Variants in CCDC81 observed in about 807,000 individuals in gnomAD.
The protein encoded by CCDC81 is coiled-coil domain-containing protein 81.
CCDC81 carries 79 observed loss-of-function variants against 83.7 expected under a neutral mutation model. That is an observed-to-expected ratio of 0.94 (90% CI 0.79 to 1.14). The LOEUF (loss-of-function observed/expected upper bound fraction) is 1.14, where lower values mean the gene tolerates loss of function less well. CCDC81 is among the 50% of genes most tolerant of loss of function. The pLI is 0.00. For missense variants in CCDC81, 791 were observed against 778.1 expected, an observed-to-expected ratio of 1.02 and a Z score of -0.20; for synonymous variants, 252 against 278.1, an observed-to-expected ratio of 0.91 and a Z score of 0.93.
At chr11:86,390,994 A>G (rs1184170120) in intron 3 of CCDC81, among the ~76,000 whole-genome samples, 1 of 152,178 alleles carries the variant, frequency 6.6e-6, no homozygotes, top group Non-Finnish European at 1.5e-5. Flanking sequence ...AATCCTATAA[A>G]ACAAATAAAC....
At chr11:86,392,213 G>A (rs1373382336) in intron 3 of CCDC81, among the ~76,000 whole-genome samples, 2 of 152,090 alleles carry the variant, frequency 1.3e-5, no homozygotes, top group Non-Finnish European at 2.9e-5. Flanking sequence ...AAAACTTTAG[G>A]AAACCCTCTG....
At chr11:86,378,986 T>A (rs2138486308) in intron 1 of CCDC81, among the ~76,000 whole-genome samples, 1 of 152,318 alleles carries the variant, frequency 6.6e-6, no homozygotes, top group African/African-American at 2.4e-5. Flanking sequence ...GCTAGATTAA[T>A]ACCTACCATA....
rs1206237221 is a variant in CCDC81 at position 86,375,026 on chromosome 11, G to C, written c.-138G>C. On this transcript the variant is annotated 5_prime_UTR_variant, in exon 1 of 15. Coordinates refer to ENST00000445632, the MANE Select transcript of CCDC81 (RefSeq NM_001156474.2). The stretch of plus-strand genomic sequence containing the variant: ...AAGAGTCAAGAAGTTCAAGATTTTC[G>C]TCACTCTTATTTTTAAGGCACATCC... 7.8e-6 allele frequency: 6 copies of C among 770,670 alleles called. No individual in the cohort carries two copies. Among genetic ancestry groups the C allele is most frequent in the African/African-American group, 6.9e-5 (4 of 58,046 alleles). 47.7% of individuals were successfully genotyped at this position (770,670 alleles called of 1,614,324 possible).
At chr11:86,388,210 C>CTCCTTCCCTCCT (rs1555190677) in intron 3 of CCDC81, among the ~76,000 whole-genome samples, 170 of 144,412 alleles carry the variant, frequency 1.2e-3, no homozygotes, top group African/African-American at 4.1e-3. Flanking sequence ...CCCTCCTTCC[C>CTCCTTCCCTCCT]TCCTTCCTTC....
intron 1 of CCDC81, among the ~76,000 whole-genome samples, chr11:86,384,867 T>C (rs995551215): frequency 6.6e-6 from 1 of 152,252 alleles, no homozygotes; most frequent in African/African-American, 2.4e-5. Flanking sequence ...TATAATTTTC[T>C]AGACTTTGAA....
chr11:86,401,100 T>C (rs1418551907), intron 7 of CCDC81, among the ~76,000 whole-genome samples: 3 of 152,188 alleles, frequency 2.0e-5, no homozygotes, highest in African/African-American at 7.2e-5. Context: ...GCTTCCCAAA[T>C]CTACAAAACT....
chr11:86,422,269 G>T (rs1948801755), intron 14 of CCDC81, among the ~76,000 whole-genome samples: 1 of 152,190 alleles, frequency 6.6e-6, no homozygotes, highest in African/African-American at 2.4e-5. Flanking sequence ...GAGAGGCTTT[G>T]GAGCCACTGT....
chr11:86,414,944 C>G, intron 12 of CCDC81, 77 bp downstream of exon 12: 1 of 1,424,534 alleles, frequency 7.0e-7, no homozygotes, highest in Non-Finnish European at 9.6e-7. Context: ...TAAGTTGTTA[C>G]GAATATTTTT....
intron 14 of CCDC81, among the ~76,000 whole-genome samples, chr11:86,420,514 A>G (rs1200049761): frequency 1.3e-5 from 2 of 152,186 alleles, no homozygotes; most frequent in African/African-American, 4.8e-5. Context: ...TGCCTGCCCA[A>G]TCCTCAGCTT....
intron 6 of CCDC81, among the ~76,000 whole-genome samples, chr11:86,399,564 C>T (rs1391494154): frequency 6.6e-6 from 1 of 152,104 alleles, no homozygotes; most frequent in African/African-American, 2.4e-5. Context: ...GATCTGCCCA[C>T]CTCGGCCTCC....
chr11:86,407,703 T>C lies in CCDC81; in HGVS notation c.969+2T>C. On this transcript the variant is annotated splice_donor_variant, in intron 8 of 14. Coordinates refer to ENST00000445632, the MANE Select transcript of CCDC81 (RefSeq NM_001156474.2). LOFTEE classifies it high-confidence loss of function. ...CAGGATCATAACAAGGCAGGACAGG[T>C]ACAGTGTTTCCAAACAAATAAGTCC... 6.2e-7 allele frequency: 1 copy of C among 1,609,328 alleles called. No individual in the cohort carries two copies. Among genetic ancestry groups the C allele is most frequent in the South Asian group, 1.1e-5 (1 of 90,640 alleles).
rs1948391820 is a variant in CCDC81, at chr11:86,395,361, T to G, written c.583T>G (p.Ser195Ala). Reference protein sequence around the residue: ...NRPGTVDSVLSSREALRKWPS... With the variant: ...NRPGTVDSVLASREALRKWPS... ...GCCTGGCACTGTGGACTCGGTGTTG[T>G]CTAGCAGAGAGGCCTTGAGGAAGTG... The change falls in exon 5 of 15, where the codon TCT becomes GCT. Residue 195 changes from serine to alanine, a missense_variant. Coordinates refer to ENST00000445632, the MANE Select transcript of CCDC81 (RefSeq NM_001156474.2). 6.2e-7 allele frequency: 1 copy of G among 1,614,060 alleles called. No homozygotes were observed. The highest frequency in any genetic ancestry group is 8.5e-7 in the Non-Finnish European group (1 of 1,179,954).
chr11:86,390,620 G>C (rs1948314652), intron 3 of CCDC81, among the ~76,000 whole-genome samples: 1 of 152,134 alleles, frequency 6.6e-6, no homozygotes, highest in South Asian at 2.1e-4. Context: ...GGGGAAATGA[G>C]GGTATCTACT....
chr11:86,399,228 A>T (rs1948450197), intron 6 of CCDC81, among the ~76,000 whole-genome samples: 1 of 152,202 alleles, frequency 6.6e-6, no homozygotes, highest in Non-Finnish European at 1.5e-5. Flanking sequence ...TTGCATATCA[A>T]CTTTTAGCCT....
intron 10 of CCDC81, among the ~76,000 whole-genome samples, chr11:86,411,466 G>A (rs1295469626): frequency 6.6e-5 from 10 of 152,302 alleles, no homozygotes; most frequent in Non-Finnish European, 1.3e-4. Flanking sequence ...CTGATGTACC[G>A]TTTCTTGCTC....
Position 86,408,633 on chromosome 11 carries a change from C to T in CCDC81, c.1113+363C>T, listed in dbSNP as rs142966192. Among the ~76,000 whole-genome samples, 6 of 152,322 alleles carry T rather than the reference C, an allele frequency of 3.9e-5. No individual in the cohort carries two copies. In the East Asian group the frequency reaches 1.2e-3, roughly 29 times the overall value. On this transcript the variant is annotated intron_variant, in intron 9 of 14. Transcript: ENST00000445632. ...GTGCTGGGATTACAGGCATTACCCA[C>T]TGAGCCCAGCCTATAATGTAATTTA... is the stretch of plus-strand genomic sequence containing the variant.
At chr11:86,385,396 AG>A (rs993691352) in intron 1 of CCDC81, among the ~76,000 whole-genome samples, 1 of 152,124 alleles carries the variant, frequency 6.6e-6, no homozygotes, top group African/African-American at 2.4e-5. Flanking sequence ...AAAAAAAAAA[AG>A]TTATTTTAGA....
chr11:86,417,151 C>A (rs1189165357), intron 13 of CCDC81, among the ~76,000 whole-genome samples: 1 of 146,588 alleles, frequency 6.8e-6, no homozygotes, highest in Non-Finnish European at 1.5e-5. Context: ...GGCTGAGGCA[C>A]AAGAATGCTT....
intron 12 of CCDC81, 107 bp from the exon 13 acceptor site, chr11:86,414,986 C>G: frequency 2.1e-6 from 3 of 1,425,856 alleles, no homozygotes; most frequent in Non-Finnish European, 2.9e-6. Flanking sequence ...TTTTGTGCCC[C>G]GCATTCCTTC....
Sources: allele counts gnomAD v4.1 joint callset (sites outside exome capture counted in the v4.1 genomes callset), GRCh38; gene constraint gnomAD v4.1.1; transcripts MANE v1.5; gene names NCBI Gene and HGNC (gene_info 2026-07-23, HGNC 2026-07-21).